TCF7L1: variants seen among roughly 807,000 people sequenced by gnomAD.
The protein encoded by TCF7L1 is transcription factor 7 like 1.
TCF7L1 carries 18 observed loss-of-function variants against 63.7 expected under a neutral mutation model. The observed-to-expected ratio is 0.28, with a 90% CI of 0.20 to 0.42. The LOEUF is 0.42. Among genes scored for constraint, TCF7L1 ranks in the 10% least tolerant of loss-of-function variants. TCF7L1 has a pLI of 1.00. For missense variants in TCF7L1, 654 were observed against 779.3 expected (o/e 0.84, Z 1.91); for synonymous variants, 355 against 340.9 (o/e 1.04, Z -0.46).
At chr2:85,225,552 G>A (rs974832638) in intron 3 of TCF7L1, among the ~76,000 whole-genome samples, 15 of 152,316 alleles carry the variant, frequency 9.8e-5, no homozygotes, top group Admixed American at 9.2e-4. Context: ...GTGAATGGGA[G>A]TTCACTCATG....
chr2:85,282,843 T>TGTGTGTGTGTGTG (rs61230836), intron 3 of TCF7L1, among the ~76,000 whole-genome samples: 18 of 126,242 alleles, frequency 1.4e-4, no homozygotes, highest in African/African-American at 4.1e-4. Flanking sequence ...TGTGTGTGTG[T>TGTGTGTGTGTGTG]TGGGGAAGTA....
chr2:85,135,863 G>A (rs1367357040), intron 3 of TCF7L1, among the ~76,000 whole-genome samples: 4 of 150,376 alleles, frequency 2.7e-5, no homozygotes, highest in African/African-American at 7.3e-5. Context: ...GTTTTGCAGT[G>A]AAAACTGGAT....
In TCF7L1 at chr2:85,229,762, C is replaced by G. The variant is rs553493149; in HGVS notation, c.442-53733C>G. The stretch of plus-strand genomic sequence containing the variant: ...GTGGCTCACACCTGTGATCCCAGCA[C>G]TTTGGAAGACTGAAGTAGGTGGATC... On this transcript the variant is annotated intron_variant, in intron 3 of 11. Coordinates refer to ENST00000282111, the MANE Select transcript of TCF7L1 (RefSeq NM_031283.3). 2.0e-5 allele frequency among the ~76,000 whole-genome samples: 3 copies of G among 152,326 alleles called. No individual in the cohort carries two copies. The South Asian group carries it at 6.2e-4, about 32-fold the overall frequency.
At chr2:85,250,144 G>A (rs1680556882) in intron 3 of TCF7L1, among the ~76,000 whole-genome samples, 1 of 152,158 alleles carries the variant, frequency 6.6e-6, no homozygotes, top group Non-Finnish European at 1.5e-5. Flanking sequence ...CTCCTGGTGG[G>A]GAGGATTGTG....
chr2:85,308,536 TCCCTTTCTCCTTCCC>T lies in TCF7L1; in HGVS notation c.1334-492_1334-478del, dbSNP rs1415857183. 1.9e-3 allele frequency among the ~76,000 whole-genome samples: 201 copies of T among 104,780 alleles called. 1 individual carries two copies. The highest frequency in any genetic ancestry group is 6.8e-3 in the African/African-American group (190 of 27,800). The allele number at this position is 104,780 out of a possible 152,430, so 68.7% of individuals were successfully genotyped here. On this transcript the variant is annotated intron_variant, in intron 11 of 11. Coordinates refer to ENST00000282111, the MANE Select transcript of TCF7L1 (RefSeq NM_031283.3). ...CTTCCCTCGCTTTCTCCTTCCGCCCTCCCTTTCTCCTTCCCTCCCTCCCTATTTCCTTGCCTCCCC... is the reference window on the plus strand; with the variant it reads ...CTTCCCTCGCTTTCTCCTTCCGCCCTTCCCTCCCTATTTCCTTGCCTCCCC...
chr2:85,137,852 C>T (rs1445920306), intron 3 of TCF7L1, among the ~76,000 whole-genome samples: 1 of 147,560 alleles, frequency 6.8e-6, no homozygotes, highest in Admixed American at 6.8e-5. Context: ...GAGATTGTGC[C>T]ACTTCACTCC....
At chr2:85,252,087 C>G (rs1680603789) in intron 3 of TCF7L1, among the ~76,000 whole-genome samples, 1 of 152,114 alleles carries the variant, frequency 6.6e-6, no homozygotes, top group South Asian at 2.1e-4. Context: ...AACACACACA[C>G]TCACACTCCA....
intron 11 of TCF7L1, among the ~76,000 whole-genome samples, chr2:85,308,378 TTTCACCTTCCCTCCCA>T (rs1682172212): frequency 8.0e-6 from 1 of 125,556 alleles, no homozygotes; most frequent in Non-Finnish European, 1.7e-5. Context: ...CCTCCCTCCC[TTTCACCTTCCCTCCCA>T]TTCTCCTTCC....
At chr2:85,189,174 T>C (rs1278591136) in intron 3 of TCF7L1, among the ~76,000 whole-genome samples, 4 of 152,214 alleles carry the variant, frequency 2.6e-5, no homozygotes, top group Admixed American at 2.0e-4. Flanking sequence ...CTCCCCTTCC[T>C]GGTCCTATTT....
intron 3 of TCF7L1, among the ~76,000 whole-genome samples, chr2:85,216,585 G>A (rs1679718099): frequency 6.6e-6 from 1 of 152,086 alleles, no homozygotes; most frequent in African/African-American, 2.4e-5. Context: ...GCTTCCTTTT[G>A]CTTCTAGAAG....
In TCF7L1 at chr2:85,197,001, G is replaced by T. The variant is rs142475868; in HGVS notation, c.441+62551G>T. Among the ~76,000 whole-genome samples, 255 of 152,230 alleles carry T rather than the reference G, an allele frequency of 1.7e-3. 1 individual carries two copies. Among genetic ancestry groups the T allele is most frequent in the African/African-American group, 5.9e-3 (244 of 41,532 alleles). On this transcript the variant is annotated intron_variant, in intron 3 of 11. Transcript: ENST00000282111. Reference sequence around the variant, plus strand: ...GCCATCCAAACTCCACGGTTTCAGGGCCTTGCGTGCAGGTTTCTCTGCCTA... The same window carrying T: ...GCCATCCAAACTCCACGGTTTCAGGTCCTTGCGTGCAGGTTTCTCTGCCTA...
intron 3 of TCF7L1, chr2:85,186,945 C>T (rs1262762772): frequency 1.3e-5 from 2 of 152,190 alleles, no homozygotes; most frequent in Non-Finnish European, 2.9e-5. Flanking sequence ...CTTTTCTTTG[C>T]ATGTGAGTTG....
intron 10 of TCF7L1, 109 bp from the exon 11 acceptor site, chr2:85,307,533 A>G: frequency 4.7e-6 from 4 of 860,006 alleles, no homozygotes; most frequent in Non-Finnish European, 5.7e-6. Context: ...TCCCTGAGGG[A>G]TCGAGAGCAG....
Position 85,134,482 on chromosome 2 carries a change from G to C in TCF7L1, c.441+32G>C. 9 of 1,544,928 alleles carry C rather than the reference G, an allele frequency of 5.8e-6. 1 individual carries two copies. In the South Asian group the frequency reaches 1.1e-4, roughly 18 times the overall value. On this transcript the variant is annotated intron_variant, in intron 3 of 11. Coordinates refer to ENST00000282111, the MANE Select transcript of TCF7L1 (RefSeq NM_031283.3). This position sits in a 1 kb window ranked among gnomAD's most constrained non-coding sequence, Gnocchi z 5.0. The stretch of plus-strand genomic sequence containing the variant: ...GCCCGTCGGGCGCGCCGGGGAGGGT[G>C]GGAGGCCGCGGCCCGCAGGATGCGC...
chr2:85,188,137 T>C (rs1262627556), intron 3 of TCF7L1, among the ~76,000 whole-genome samples: 7 of 152,030 alleles, frequency 4.6e-5, no homozygotes, highest in African/African-American at 1.7e-4. Context: ...ATGAGGGGAA[T>C]AAGGGATAGG....
intron 3 of TCF7L1, among the ~76,000 whole-genome samples, chr2:85,242,334 C>G (rs1400627432): frequency 1.3e-5 from 2 of 152,228 alleles, no homozygotes; most frequent in African/African-American, 4.8e-5. Context: ...CAGGCCAAAT[C>G]CACACTTTTC....
chr2:85,161,891 C>T lies in TCF7L1; in HGVS notation c.441+27441C>T, dbSNP rs377081065. 1.2e-3 allele frequency among the ~76,000 whole-genome samples: 189 copies of T among 151,916 alleles called. 7 individuals carry two copies. In the South Asian group the frequency reaches 0.037, roughly 29 times the overall value. ...GAGGCTTGTGGTGATCAAACAGAGC[C>T]GGAGGGGGAGCCAGGGGAACAGTCC... On this transcript the variant is annotated intron_variant, in intron 3 of 11. Transcript: ENST00000282111.
At chr2:85,276,718 ACAG>A (rs950557337) in intron 3 of TCF7L1, among the ~76,000 whole-genome samples, 10 of 152,094 alleles carry the variant, frequency 6.6e-5, no homozygotes, top group Non-Finnish European at 1.2e-4. Context: ...CGGCATTAAT[ACAG>A]CATGGGACAG....
chr2:85,234,118 T>C (rs1558641573), intron 3 of TCF7L1, among the ~76,000 whole-genome samples: 2 of 150,298 alleles, frequency 1.3e-5, no homozygotes, highest in Non-Finnish European at 1.5e-5. Flanking sequence ...TCATTTCTTT[T>C]CTTTTTTCTT....
Sources: gnomAD v4.1 joint callset for allele counts (sites outside exome capture counted in the v4.1 genomes callset) on GRCh38, gnomAD v4.1.1 for gene constraint, Gnocchi (gnomAD v3.1) non-coding constraint, MANE v1.5 for transcripts, NCBI Gene and HGNC (gene_info 2026-07-23, HGNC 2026-07-21) for gene names.